Variants in DDHD1 observed in about 807,000 individuals in gnomAD.
DDHD1 encodes the protein phospholipase DDHD1.
A neutral mutation model predicts 96.4 loss-of-function variants in DDHD1; 49 were observed. The ratio of observed to expected loss-of-function variants is 0.51; its 90% CI spans 0.40 to 0.64. The LOEUF (loss-of-function observed/expected upper bound fraction) is 0.64. DDHD1 is among the 30% of genes least tolerant of loss of function. The pLI is 0.00. For missense variants in DDHD1, 1,106 were observed against 1,161.2 expected (o/e 0.95, Z 0.69); for synonymous variants, 442 against 446.5 (o/e 0.99, Z 0.13).
intron 1 of DDHD1, among the ~76,000 whole-genome samples, chr14:53,107,391 T>C (rs1186326154): frequency 6.6e-6 from 1 of 152,136 alleles, no homozygotes; most frequent in Admixed American, 6.5e-5. Context: ...ACCAGTGGCA[T>C]AAACAGCTGC....
chr14:53,120,974 G>T (rs1374119157), intron 1 of DDHD1, among the ~76,000 whole-genome samples: 1 of 152,068 alleles, frequency 6.6e-6, no homozygotes, highest in African/African-American at 2.4e-5. Context: ...CTTCTGCACA[G>T]CAAAATAAAC....
intron 1 of DDHD1, among the ~76,000 whole-genome samples, chr14:53,105,876 C>T (rs1375692466): frequency 6.6e-6 from 1 of 151,556 alleles, no homozygotes; most frequent in Non-Finnish European, 1.5e-5. Context: ...GGTATTTCTG[C>T]TATTTTTTTA....
chr14:53,105,441 T>C (rs965767610), intron 1 of DDHD1, among the ~76,000 whole-genome samples: 1 of 152,196 alleles, frequency 6.6e-6, no homozygotes, highest in East Asian at 1.9e-4. Flanking sequence ...TATTCTGCTA[T>C]AGTGATTCTG....
At chr14:53,098,908 T>A (rs1394486513) in intron 2 of DDHD1, among the ~76,000 whole-genome samples, 2 of 152,074 alleles carry the variant, frequency 1.3e-5, no homozygotes, top group Non-Finnish European at 2.9e-5. Flanking sequence ...AGTCAGGTCT[T>A]GCGTTCTTAA....
At position 53,076,916 on chromosome 14, in the gene DDHD1, AGTGTC is replaced by A. The variant is rs1885008693; in HGVS notation, c.1290-3074_1290-3070del. The stretch of plus-strand genomic sequence containing the variant: ...ATTATGCTATCACATACTTGTTTAC[AGTGTC>A]GTGTAAACATAACTTTTATATGCAC... On this transcript the variant is annotated intron_variant, in intron 4 of 12. Coordinates refer to ENST00000673822, the MANE Select transcript of DDHD1 (RefSeq NM_001160148.2). 2.0e-5 allele frequency among the ~76,000 whole-genome samples: 3 copies of A among 152,226 alleles called. No homozygotes were observed. The South Asian group carries it at 6.2e-4, about 31-fold the overall frequency.
chr14:53,141,605 T>G (rs1890645128), intron 1 of DDHD1, among the ~76,000 whole-genome samples: 1 of 152,210 alleles, frequency 6.6e-6, no homozygotes. Flanking sequence ...CAACACAGGT[T>G]GCCATTCTGC....
intron 1 of DDHD1, among the ~76,000 whole-genome samples, chr14:53,136,327 G>A (rs1566599700): frequency 6.6e-6 from 1 of 152,228 alleles, no homozygotes; most frequent in Admixed American, 6.5e-5. Flanking sequence ...GCATGAGACA[G>A]TACAAGCTTA....
At chr14:53,058,819 CTTCA>C (rs1883290684) in intron 8 of DDHD1, among the ~76,000 whole-genome samples, 193 bp from the exon 9 acceptor site, 1 of 152,152 alleles carries the variant, frequency 6.6e-6, no homozygotes, top group Admixed American at 6.5e-5. Context: ...CCATGAGATA[CTTCA>C]TTATCTTTAA....
intron 5 of DDHD1, among the ~76,000 whole-genome samples, chr14:53,073,119 C>A (rs922963927): frequency 2.6e-5 from 4 of 151,974 alleles, no homozygotes; most frequent in African/African-American, 9.7e-5. Flanking sequence ...TGTAAATAAT[C>A]TAAACATTCT....
intron 1 of DDHD1, among the ~76,000 whole-genome samples, chr14:53,138,197 G>A (rs1890376058): frequency 6.6e-6 from 1 of 152,208 alleles, no homozygotes; most frequent in Admixed American, 6.5e-5. Context: ...TTGAGGTCAG[G>A]AGTTCAAGAT....
At chr14:53,073,350 AAATT>A (rs147866433) in intron 5 of DDHD1, among the ~76,000 whole-genome samples, 3,536 of 152,134 alleles carry the variant, frequency 0.023, 122 homozygotes, top group East Asian at 0.13. Context: ...TATGGGGAGA[AAATT>A]ATTAGAAAGA....
At chr14:53,077,965 T>G (rs1885119967) in intron 4 of DDHD1, among the ~76,000 whole-genome samples, 1 of 152,232 alleles carries the variant, frequency 6.6e-6, no homozygotes, top group African/African-American at 2.4e-5. Context: ...AGTACTTCAT[T>G]GCTTTTCATT....
intron 4 of DDHD1, among the ~76,000 whole-genome samples, chr14:53,084,610 C>G (rs1292488611): frequency 6.6e-6 from 1 of 152,218 alleles, no homozygotes; most frequent in Non-Finnish European, 1.5e-5. Flanking sequence ...TGGCCTGGCA[C>G]TATGTGACAA....
intron 1 of DDHD1, among the ~76,000 whole-genome samples, chr14:53,145,098 C>T (rs993695564): frequency 2.6e-5 from 4 of 151,832 alleles, no homozygotes; most frequent in Admixed American, 1.3e-4. Flanking sequence ...TGCAGTGAGC[C>T]GAGATGGCGC....
rs1882968810 is a variant in DDHD1, at chr14:53,055,537, T to TA, written c.2245+122dup. The TA allele has an allele frequency of 2.0e-5, 19 of 959,726 alleles. No homozygotes were observed. The South Asian group carries it at 3.1e-4, about 16-fold the overall frequency. 59.5% of individuals were successfully genotyped at this position (959,726 alleles called of 1,614,324 possible). A position where few individuals can be genotyped will look rare whatever the true frequency, so the allele number is the denominator to read the frequency against. ...CAAATATGAACATTGGGAGGGTAGT[T>TA]AATTCTAGACACAGGGATTAACTGC... is the stretch of plus-strand genomic sequence containing the variant. On this transcript the variant is annotated intron_variant, in intron 10 of 12. Coordinates refer to ENST00000673822, the MANE Select transcript of DDHD1 (RefSeq NM_001160148.2).
At chr14:53,136,465 T>C (rs954938678) in intron 1 of DDHD1, among the ~76,000 whole-genome samples, 1 of 152,204 alleles carries the variant, frequency 6.6e-6, no homozygotes, top group Non-Finnish European at 1.5e-5. Flanking sequence ...CACAATGTAG[T>C]ACAGGGCATT....
At chr14:53,125,284 C>T (rs1230816741) in intron 1 of DDHD1, among the ~76,000 whole-genome samples, 1 of 152,102 alleles carries the variant, frequency 6.6e-6, no homozygotes, top group Non-Finnish European at 1.5e-5. Context: ...TATATCAACT[C>T]TTCCAAGTTT....
At chr14:53,143,575 C>T (rs1468477835) in intron 1 of DDHD1, among the ~76,000 whole-genome samples, 1 of 152,146 alleles carries the variant, frequency 6.6e-6, no homozygotes, top group Non-Finnish European at 1.5e-5. Context: ...CTGTATCTGT[C>T]CTGATTGGCT....
At chr14:53,095,586 CA>C (rs1886821361) in intron 2 of DDHD1, among the ~76,000 whole-genome samples, 1 of 152,112 alleles carries the variant, frequency 6.6e-6, no homozygotes. Context: ...TACACCAGAT[CA>C]AGATTCAATT....
Sources: allele counts gnomAD v4.1 joint callset (sites outside exome capture counted in the v4.1 genomes callset), GRCh38; gene constraint gnomAD v4.1.1; transcripts MANE v1.5; gene names NCBI Gene and HGNC (gene_info 2026-07-23, HGNC 2026-07-21).